Variants in RHOU observed in about 807,000 individuals in gnomAD.
The protein encoded by RHOU is ras homolog family member U.
In RHOU, 8 loss-of-function variants were observed where a neutral mutation model predicts 12.6. The observed-to-expected ratio is 0.64, with a 90% CI of 0.37 to 1.15. The LOEUF is 1.15. Ranked by LOEUF, RHOU falls within the 50% of genes most tolerant of loss-of-function variation. RHOU has a pLI of 0.01. For missense variants in RHOU, 258 were observed against 347.0 expected, an observed-to-expected ratio of 0.74 and a Z score of 2.04; for synonymous variants, 161 against 147.4, an observed-to-expected ratio of 1.09 and a Z score of -0.67.
At chr1:228,742,195 A>G (rs1429784609) in intron 2 of RHOU, among the ~76,000 whole-genome samples, 1 of 152,232 alleles carries the variant, frequency 6.6e-6, no homozygotes, top group Middle Eastern at 3.2e-3. Flanking sequence ...TTTTCTACAA[A>G]AGAGTTGAGC....
At chr1:228,718,220 A>C in the RHOU span, among the ~76,000 whole-genome samples, 6 of 152,290 alleles carry the variant, frequency 3.9e-5, no homozygotes, top group Non-Finnish European at 8.8e-5. Flanking sequence ...TAGGAGAAAG[A>C]ACAGCTTTGA....
chr1:228,707,260 G>A, the RHOU span, among the ~76,000 whole-genome samples: 86 of 57,964 alleles, frequency 1.5e-3, no homozygotes, highest in African/African-American at 0.011. Flanking sequence ...TATATAGTGT[G>A]TGTGTGTGTG....
chr1:228,664,107 C>T, the RHOU span, among the ~76,000 whole-genome samples: 2 of 151,090 alleles, frequency 1.3e-5, no homozygotes, highest in Non-Finnish European at 2.9e-5. Flanking sequence ...CAGTCTTGAC[C>T]TCTCGGGCTC....
the RHOU span, among the ~76,000 whole-genome samples, chr1:228,722,370 C>G: frequency 6.6e-6 from 1 of 152,204 alleles, no homozygotes; most frequent in African/African-American, 2.4e-5. Flanking sequence ...CACCCCCTCC[C>G]AGGCCCTCTC....
At chr1:228,729,500 T>C in the RHOU span, among the ~76,000 whole-genome samples, 1 of 152,180 alleles carries the variant, frequency 6.6e-6, no homozygotes, top group South Asian at 2.1e-4. Context: ...GGAATGCACA[T>C]GTTCATGTAT....
chr1:228,647,954 T>A, the RHOU span: 1 of 152,214 alleles, frequency 6.6e-6, no homozygotes, highest in African/African-American at 2.4e-5. Flanking sequence ...TTCATCTAAG[T>A]AGCGGTCTGG....
upstream of RHOU, among the ~76,000 whole-genome samples, chr1:228,734,094 A>G (rs1358430435): frequency 1.3e-5 from 2 of 152,144 alleles, no homozygotes; most frequent in Non-Finnish European, 2.9e-5. Context: ...TCTTTGGCTG[A>G]TCCCCAAAAT....
the RHOU span, among the ~76,000 whole-genome samples, chr1:228,715,583 A>C: frequency 2.0e-5 from 3 of 152,304 alleles, no homozygotes; most frequent in East Asian, 5.8e-4. Context: ...AATTTTGGGA[A>C]TGATCCTTGT....
the RHOU span, among the ~76,000 whole-genome samples, chr1:228,657,996 A>G: frequency 1.2e-4 from 19 of 152,296 alleles, no homozygotes; most frequent in Middle Eastern, 6.8e-3. Flanking sequence ...AGAGGTGGAC[A>G]GTGGCCTGGG....
At chr1:228,707,466 C>G in the RHOU span, among the ~76,000 whole-genome samples, 1 of 151,262 alleles carries the variant, frequency 6.6e-6, no homozygotes, top group Non-Finnish European at 1.5e-5. Context: ...GATCTGAGAA[C>G]GGGCAGACTG....
chr1:228,725,479 C>T, the RHOU span, among the ~76,000 whole-genome samples: 1 of 152,106 alleles, frequency 6.6e-6, no homozygotes, highest in African/African-American at 2.4e-5. Context: ...TGAGCATCTC[C>T]CTTGAGCCTC....
chr1:228,712,774 A>C, the RHOU span, among the ~76,000 whole-genome samples: 3 of 151,320 alleles, frequency 2.0e-5, no homozygotes, highest in African/African-American at 7.3e-5. Flanking sequence ...ACTAACCTGC[A>C]CATTGTGCAC....
the RHOU span, among the ~76,000 whole-genome samples, chr1:228,728,015 G>T: frequency 6.6e-6 from 1 of 152,208 alleles, no homozygotes; most frequent in African/African-American, 2.4e-5. Flanking sequence ...AGGCTTTTCT[G>T]TGCAAAGGGA....
the RHOU span, among the ~76,000 whole-genome samples, chr1:228,704,119 G>T: frequency 2.0e-5 from 3 of 152,224 alleles, no homozygotes; most frequent in African/African-American, 7.2e-5. Flanking sequence ...CCAGTGGAAG[G>T]CTCATCAAGG....
At chr1:228,699,641 C>T in the RHOU span, among the ~76,000 whole-genome samples, 2 of 151,908 alleles carry the variant, frequency 1.3e-5, no homozygotes, top group Non-Finnish European at 2.9e-5. Flanking sequence ...TCAAGGCAAT[C>T]CGGTCAATTA....
the RHOU span, among the ~76,000 whole-genome samples, chr1:228,689,823 GA>G: frequency 6.6e-6 from 1 of 151,892 alleles, no homozygotes; most frequent in East Asian, 1.9e-4. Flanking sequence ...CTAGTTCGTG[GA>G]AAAATTGTCT....
At chr1:228,674,640 C>A in the RHOU span, among the ~76,000 whole-genome samples, 4 of 151,980 alleles carry the variant, frequency 2.6e-5, no homozygotes, top group Non-Finnish European at 5.9e-5. Flanking sequence ...GCCACCGCAC[C>A]CCAGCTGTTT....
the RHOU span, among the ~76,000 whole-genome samples, chr1:228,722,839 T>C: frequency 2.6e-5 from 4 of 152,108 alleles, no homozygotes; most frequent in Non-Finnish European, 5.9e-5. Flanking sequence ...GCCAGGATGG[T>C]CTCGATCTCC....
At chr1:228,723,652 C>G in the RHOU span, among the ~76,000 whole-genome samples, 4 of 152,196 alleles carry the variant, frequency 2.6e-5, no homozygotes, top group Admixed American at 1.3e-4. Flanking sequence ...CGGGGCTTTA[C>G]GAGTGGGGCC....
Sources: allele counts gnomAD v4.1 joint callset (sites outside exome capture counted in the v4.1 genomes callset), GRCh38; gene constraint gnomAD v4.1.1; transcripts MANE v1.5; gene names NCBI Gene and HGNC (gene_info 2026-07-23, HGNC 2026-07-21).